The following APBB1 variants were observed in gnomAD, a reference collection of about 807,000 sequenced individuals.
APBB1 encodes adaptor protein FE65a2.
A neutral mutation model predicts 78.4 loss-of-function variants in APBB1; 22 were observed. That is an observed-to-expected ratio of 0.28 (90% CI 0.20 to 0.40). The LOEUF is 0.40. Ranked by LOEUF, APBB1 falls within the 10% of genes least tolerant of loss-of-function variation. The pLI, the probability that APBB1 is intolerant of heterozygous loss-of-function variation, is 1.00. For synonymous variants in APBB1, 369 were observed against 372.7 expected (o/e 0.99, Z 0.12); for missense variants, 749 against 932.4 (o/e 0.80, Z 2.56).
In APBB1 at chr11:6,401,231, A is replaced by G; in HGVS notation, c.1588+114T>C. On this transcript the variant is annotated intron_variant, in intron 11 of 14. Transcript: ENST00000609360. The surrounding 1 kb of genome is among the most constrained non-coding windows in gnomAD (Gnocchi z 4.5). ...AGTCCCTCCACGTATTGGAGTATTCAGTCTTCATGTGTTCATTTTTCTATC... is the reference window on the plus strand; with the variant it reads ...AGTCCCTCCACGTATTGGAGTATTCGGTCTTCATGTGTTCATTTTTCTATC... 1 of 1,610,480 alleles carries G rather than the reference A, an allele frequency of 6.2e-7. No individual in the cohort carries two copies. Among genetic ancestry groups the G allele is most frequent in the Non-Finnish European group, 8.5e-7 (1 of 1,178,322 alleles).
chr11:6,412,826 C>T (rs908543733), intron 1 of APBB1, among the ~76,000 whole-genome samples: 12 of 152,146 alleles, frequency 7.9e-5, no homozygotes, highest in African/African-American at 2.7e-4. Flanking sequence ...ACTTTGGTTA[C>T]GTTACTATGC....
chr11:6,399,862 C>T (rs570236263), intron 12 of APBB1, among the ~76,000 whole-genome samples: 2 of 152,292 alleles, frequency 1.3e-5, no homozygotes, highest in South Asian at 4.2e-4. Context: ...GCCAAAGTGC[C>T]TCCCACTGTA....
rs755917836 is a variant in APBB1, at chr11:6,401,599, G to C, written c.1478C>G (p.Thr493Ser). 6.2e-7 allele frequency: 1 copy of C among 1,614,186 alleles called. No homozygotes were observed. The highest frequency in any genetic ancestry group is 1.1e-5 in the South Asian group (1 of 91,084). The change falls in exon 10 of 15, where the codon ACC becomes AGC. Residue 493 changes from threonine (T) to serine (S), a missense_variant. Thr to Ser is a moderately conservative substitution (Grantham distance 58). Transcript: ENST00000609360. The surrounding 1 kb of genome is among the most constrained non-coding windows in gnomAD (Gnocchi z 4.5). ...RCEAPAKNIATSLHEICSKIM... is the reference protein window; with the variant it reads ...RCEAPAKNIASSLHEICSKIM... ...CTTAGAGCAGATCTCATGCAGGCTGGTGGCGATGTTCTTGGCAGGTGCCTC... is the reference window on the plus strand; with the variant it reads ...CTTAGAGCAGATCTCATGCAGGCTGCTGGCGATGTTCTTGGCAGGTGCCTC...
chr11:6,395,705 C>A lies in APBB1; in HGVS notation c.1966-4G>T, dbSNP rs529532571. The A allele has an allele frequency of 1.3e-6, 2 of 1,587,166 alleles. No homozygotes were observed. Among genetic ancestry groups the A allele is most frequent in the Non-Finnish European group, 1.7e-6 (2 of 1,164,790 alleles). On this transcript the variant is annotated splice_polypyrimidine_tract_variant and splice_region_variant and intron_variant, in intron 14 of 14. Transcript: ENST00000609360. The surrounding 1 kb of genome is among the most constrained non-coding windows in gnomAD (Gnocchi z 5.2). Reference sequence around the variant, plus strand: ...CCAGACACTTCTGGTAGCGAAGCTGCGGAGGCAAGCAGGGCAGTCACTCCC... The same window carrying A: ...CCAGACACTTCTGGTAGCGAAGCTGAGGAGGCAAGCAGGGCAGTCACTCCC...
At position 6,403,449 on chromosome 11, in the gene APBB1, C is replaced by T; in HGVS notation, c.954+39G>A. On this transcript the variant is annotated intron_variant, in intron 4 of 14. Transcript: ENST00000609360. The surrounding 1 kb of genome is among the most constrained non-coding windows in gnomAD (Gnocchi z 5.3). ...AATCAGTATCAAAATGATGCCCCTC[C>T]TCCAGCTATCCCGTGGTAAAGCAGG... 2 of 1,614,172 alleles carry T rather than the reference C, an allele frequency of 1.2e-6. No homozygotes were observed. The highest frequency in any genetic ancestry group is 3.3e-4 in the Middle Eastern group (2 of 6,062).
At chr11:6,416,701 C>T (rs978009104) in intron 1 of APBB1, among the ~76,000 whole-genome samples, 3 of 152,128 alleles carry the variant, frequency 2.0e-5, no homozygotes, top group African/African-American at 7.2e-5. Context: ...ATCTACTCTC[C>T]ACATCCACTA....
In APBB1 at chr11:6,403,392, C is replaced by A. The variant is rs1203870925; in HGVS notation, c.967G>T (p.Asp323Tyr). 6.2e-7 allele frequency: 1 copy of A among 1,614,072 alleles called. No individual in the cohort carries two copies. Among genetic ancestry groups the A allele is most frequent in the Non-Finnish European group, 8.5e-7 (1 of 1,180,034 alleles). Residue 323 changes from aspartate to tyrosine, a missense_variant, in exon 5 of 15, where the codon GAT becomes TAT. Physicochemically the swap from Asp to Tyr is radical, Grantham distance 160. Coordinates refer to ENST00000609360, the MANE Select transcript of APBB1 (RefSeq NM_001164.5). This position sits in a 1 kb window ranked among gnomAD's most constrained non-coding sequence, Gnocchi z 5.3. ...AGTCCCAGCTCCATTGGGGCCTCATCACTGGGTTCATCCTTGGGAAGGGGA... is the reference window on the plus strand; with the variant it reads ...AGTCCCAGCTCCATTGGGGCCTCATAACTGGGTTCATCCTTGGGAAGGGGA... Reference protein sequence around the residue: ...DGEFWKDEPSDEAPMELGLKE... With the variant: ...DGEFWKDEPSYEAPMELGLKE...
intron 1 of APBB1, among the ~76,000 whole-genome samples, chr11:6,416,543 G>A (rs1247192095): frequency 6.6e-6 from 1 of 152,062 alleles, no homozygotes; most frequent in Non-Finnish European, 1.5e-5. Context: ...CCTCTTTCAG[G>A]ATCCCGGCTC....
Position 6,396,121 on chromosome 11 carries a change from G to A in APBB1, c.1767C>T (p.Thr589=), listed in dbSNP as rs1171556058. The change falls in exon 13 of 15, where the codon ACC becomes ACT. Residue 589 remains threonine, a synonymous_variant. Coordinates refer to ENST00000609360, the MANE Select transcript of APBB1 (RefSeq NM_001164.5). ...TPSHVSVAPA[T]LTILHQQTEA... ...TTACCTGCTGGTGCAAGATGGTGAG[G>A]GTAGCAGGGGCCACACTGACATGAC... The A allele has an allele frequency of 2.6e-6, 4 of 1,558,954 alleles. No individual in the cohort carries two copies. The highest frequency in any genetic ancestry group is 1.2e-5 in the South Asian group (1 of 85,336).
intron 2 of APBB1, among the ~76,000 whole-genome samples, chr11:6,408,711 C>G (rs1848885243): frequency 6.6e-6 from 1 of 152,114 alleles, no homozygotes; most frequent in Admixed American, 6.5e-5. Context: ...ACCATGTTGG[C>G]CAGGCTGATC....
Position 6,402,284 on chromosome 11 carries a change from G to C in APBB1, c.1255-75C>G, listed in dbSNP as rs1202325386. On this transcript the variant is annotated intron_variant, in intron 7 of 14. Transcript: ENST00000609360. The stretch of plus-strand genomic sequence containing the variant: ...CTGATCTCTGACCCCTGCAGCTCAG[G>C]GGATGTTAGCCACAGCTCTGGGGCC... 5 of 1,577,420 alleles carry C rather than the reference G, an allele frequency of 3.2e-6. No homozygotes were observed. The African/African-American group carries it at 5.4e-5, about 17-fold the overall frequency.
Position 6,401,831 on chromosome 11 carries a change from G to C in APBB1, c.1389-143C>G, listed in dbSNP as rs555746087. ...GGTCCCCCATAGGTGCTGCCTTCTTGGGGGGGAGGGGTAGACAGGCAAGCA... is the reference window on the plus strand; with the variant it reads ...GGTCCCCCATAGGTGCTGCCTTCTTCGGGGGGAGGGGTAGACAGGCAAGCA... On this transcript the variant is annotated intron_variant, in intron 9 of 14. Coordinates refer to ENST00000609360, the MANE Select transcript of APBB1 (RefSeq NM_001164.5). This position sits in a 1 kb window ranked among gnomAD's most constrained non-coding sequence, Gnocchi z 4.5. The C allele has an allele frequency of 1.2e-5, 17 of 1,407,332 alleles. No homozygotes were observed. Among genetic ancestry groups the C allele is most frequent in the African/African-American group, 7.1e-5 (5 of 70,878 alleles). The allele number at this position is 1,407,332 out of a possible 1,614,324, so 87.2% of individuals were successfully genotyped here.
intron 2 of APBB1, chr11:6,404,906 GC>G (rs1225738097): frequency 1.3e-6 from 2 of 1,486,778 alleles, no homozygotes; most frequent in East Asian, 2.5e-5. Context: ...AGCTCATCCC[GC>G]CCCCTTCTCA....
At chr11:6,409,449 G>A (rs771148272) in intron 2 of APBB1, among the ~76,000 whole-genome samples, 7 of 152,308 alleles carry the variant, frequency 4.6e-5, no homozygotes, top group Middle Eastern at 3.4e-3. Context: ...GAGCATGCAG[G>A]TAGCAAGATT....
rs751218197 is a variant in APBB1 at position 6,401,488 on chromosome 11, G to C, written c.1504-59C>G. ...AATCTATTAGAGCCTCATTGCCCTGGGGCCCCCCTACAGCACTCAGTGACC... is the reference window on the plus strand; with the variant it reads ...AATCTATTAGAGCCTCATTGCCCTGCGGCCCCCCTACAGCACTCAGTGACC... On this transcript the variant is annotated intron_variant, in intron 10 of 14. Coordinates refer to ENST00000609360, the MANE Select transcript of APBB1 (RefSeq NM_001164.5). The surrounding 1 kb of genome is among the most constrained non-coding windows in gnomAD (Gnocchi z 4.5). 8.7e-6 allele frequency: 14 copies of C among 1,612,358 alleles called. No individual in the cohort carries two copies. The highest frequency in any genetic ancestry group is 1.2e-5 in the Non-Finnish European group (14 of 1,178,702).
Position 6,403,854 on chromosome 11 carries a change from C to T in APBB1, c.722-32G>A. The T allele has an allele frequency of 6.6e-7, 1 of 1,523,654 alleles. No homozygotes were observed. The highest frequency in any genetic ancestry group is 8.8e-7 in the Non-Finnish European group (1 of 1,135,132). 94.4% of individuals were successfully genotyped at this position (1,523,654 alleles called of 1,614,324 possible). ...GGTGGGAGGCTTGGTGAGGGTCAGC[C>T]TACCCAAAGAGCAGACAGCTGGTGC... On this transcript the variant is annotated intron_variant, in intron 2 of 14. Coordinates refer to ENST00000609360, the MANE Select transcript of APBB1 (RefSeq NM_001164.5). The surrounding 1 kb of genome is among the most constrained non-coding windows in gnomAD (Gnocchi z 5.3).
chr11:6,408,196 G>C (rs1015338190), intron 2 of APBB1, among the ~76,000 whole-genome samples: 2 of 152,170 alleles, frequency 1.3e-5, no homozygotes, highest in African/African-American at 4.8e-5. Flanking sequence ...GGAAATCCAG[G>C]GGAAGAGGAG....
intron 1 of APBB1, among the ~76,000 whole-genome samples, chr11:6,412,418 TG>T (rs1270826545): frequency 2.0e-5 from 3 of 152,178 alleles, no homozygotes; most frequent in African/African-American, 7.2e-5. Flanking sequence ...CCCAAAGTGC[TG>T]GGATTACAGG....
intron 7 of APBB1, 123 bp downstream of exon 7, chr11:6,402,453 C>T: frequency 8.2e-7 from 1 of 1,223,864 alleles, no homozygotes; most frequent in Non-Finnish European, 1.2e-6. Flanking sequence ...ACAGGGCTGC[C>T]ACTTAGGATG....
Sources: gnomAD v4.1 joint callset for allele counts (sites outside exome capture counted in the v4.1 genomes callset) on GRCh38, gnomAD v4.1.1 for gene constraint, Gnocchi (gnomAD v3.1) non-coding constraint, MANE v1.5 for transcripts, NCBI Gene and HGNC (gene_info 2026-07-23, HGNC 2026-07-21) for gene names.